SGCZ: variants seen among roughly 807,000 people sequenced by gnomAD.
The protein encoded by SGCZ is zeta-sarcoglycan.
SGCZ carries 40 observed loss-of-function variants against 41.3 expected under a neutral mutation model. That is an observed-to-expected ratio of 0.97 (90% confidence interval 0.75 to 1.26). The LOEUF is 1.26. SGCZ is among the 50% of genes most tolerant of loss of function. The probability of loss-of-function intolerance (pLI) is 0.00; values close to 1 mark genes in which losing one functional copy is unlikely to be tolerated. For missense variants in SGCZ, 552 were observed against 369.8 expected (o/e 1.49, Z -4.04); for synonymous variants, 206 against 137.5 (o/e 1.50, Z -3.49).
intron 1 of SGCZ, among the ~76,000 whole-genome samples, chr8:15,076,590 G>A (rs978730452): frequency 2.0e-5 from 3 of 151,920 alleles, no homozygotes; most frequent in Non-Finnish European, 4.4e-5. Flanking sequence ...TTACCACATC[G>A]GACTCTAGGA....
intron 1 of SGCZ, among the ~76,000 whole-genome samples, chr8:14,593,484 G>A (rs547665752): frequency 1.1e-3 from 173 of 152,178 alleles, no homozygotes; most frequent in Admixed American, 2.1e-3. Flanking sequence ...TGTTTTAGCG[G>A]CAATGGGAAA....
intron 1 of SGCZ, among the ~76,000 whole-genome samples, chr8:14,654,247 G>T (rs1674360886): frequency 6.6e-6 from 1 of 150,820 alleles, no homozygotes; most frequent in South Asian, 2.1e-4. Context: ...AAAAAAAAAA[G>T]GATATCCATT....
At chr8:14,425,459 A>T (rs764738196) in intron 2 of SGCZ, among the ~76,000 whole-genome samples, 15 of 151,960 alleles carry the variant, frequency 9.9e-5, no homozygotes, top group Non-Finnish European at 1.8e-4. Flanking sequence ...CATCTCTACT[A>T]AAAATACAAA....
intron 1 of SGCZ, among the ~76,000 whole-genome samples, chr8:15,114,546 A>C (rs1432378073): frequency 6.6e-6 from 1 of 152,196 alleles, no homozygotes; most frequent in East Asian, 1.9e-4. Flanking sequence ...ATTAACAAAA[A>C]TTGTTTTGTG....
At chr8:14,163,056 G>C (rs1804094824) in intron 5 of SGCZ, among the ~76,000 whole-genome samples, 1 of 152,012 alleles carries the variant, frequency 6.6e-6, no homozygotes, top group African/African-American at 2.4e-5. Flanking sequence ...AATTTTGGTA[G>C]ACACAAGGTC....
chr8:14,404,396 A>G (rs1799156572), intron 2 of SGCZ, among the ~76,000 whole-genome samples: 1 of 151,088 alleles, frequency 6.6e-6, no homozygotes, highest in Admixed American at 6.6e-5. Flanking sequence ...GACTGTATTC[A>G]GAGTGTTTGG....
At chr8:14,586,321 C>A (rs978658649) in intron 1 of SGCZ, among the ~76,000 whole-genome samples, 1 of 151,994 alleles carries the variant, frequency 6.6e-6, no homozygotes, top group Non-Finnish European at 1.5e-5. Context: ...TCAAGTGATT[C>A]TTGTGTCTCA....
At chr8:15,129,762 C>T (rs1488217897) in intron 1 of SGCZ, among the ~76,000 whole-genome samples, 3 of 138,862 alleles carry the variant, frequency 2.2e-5, no homozygotes, top group Non-Finnish European at 3.1e-5. Context: ...TAAAAACACA[C>T]AGATTAAATG....
intron 2 of SGCZ, among the ~76,000 whole-genome samples, chr8:14,388,844 A>T (rs1804663546): frequency 6.6e-6 from 1 of 151,960 alleles, no homozygotes; most frequent in East Asian, 1.9e-4. Flanking sequence ...AAAAAGAAAA[A>T]AAAAAAGAAA....
intron 1 of SGCZ, among the ~76,000 whole-genome samples, chr8:14,997,450 C>A (rs933365871): frequency 6.6e-5 from 10 of 152,136 alleles, no homozygotes; most frequent in Admixed American, 2.6e-4. Flanking sequence ...GTGAATTAAT[C>A]ACTAAGAAAG....
At chr8:14,485,017 C>T (rs1164080537) in intron 2 of SGCZ, among the ~76,000 whole-genome samples, 1 of 152,100 alleles carries the variant, frequency 6.6e-6, no homozygotes, top group Admixed American at 6.5e-5. Context: ...TTTTGTTTCT[C>T]TTTATGGCTT....
chr8:14,565,300 G>A (rs1804325368), intron 1 of SGCZ, among the ~76,000 whole-genome samples: 1 of 151,616 alleles, frequency 6.6e-6, no homozygotes, highest in African/African-American at 2.4e-5. Context: ...TTCATTGGAT[G>A]AAAATGCAAT....
intron 1 of SGCZ, among the ~76,000 whole-genome samples, chr8:15,151,178 T>A (rs555530116): frequency 6.6e-6 from 1 of 152,306 alleles, no homozygotes; most frequent in African/African-American, 2.4e-5. Context: ...CAACTGCCAA[T>A]CCCGTGAATG....
At chr8:14,571,086 T>C (rs1311325535) in intron 1 of SGCZ, among the ~76,000 whole-genome samples, 1 of 152,130 alleles carries the variant, frequency 6.6e-6, no homozygotes, top group East Asian at 1.9e-4. Context: ...TGACTCTCAG[T>C]TCCACATGGC....
intron 1 of SGCZ, among the ~76,000 whole-genome samples, chr8:14,698,363 T>C (rs978183290): frequency 2.7e-4 from 41 of 152,042 alleles, no homozygotes; most frequent in African/African-American, 9.6e-4. Flanking sequence ...GTTTCTAAAG[T>C]TGCTTTAGTT....
At chr8:14,895,456 A>C (rs1805162891) in intron 1 of SGCZ, among the ~76,000 whole-genome samples, 1 of 152,108 alleles carries the variant, frequency 6.6e-6, no homozygotes, top group Non-Finnish European at 1.5e-5. Flanking sequence ...TGGAAATCTT[A>C]TCAGCTGTTT....
At chr8:15,184,821 A>G (rs1563171403) in intron 1 of SGCZ, among the ~76,000 whole-genome samples, 1 of 152,096 alleles carries the variant, frequency 6.6e-6, no homozygotes, top group Non-Finnish European at 1.5e-5. Context: ...ATGGCTTCCA[A>G]CTGTTGCTAA....
Position 14,771,507 on chromosome 8 carries a change from A to G in SGCZ, c.40-216581T>C, listed in dbSNP as rs1462934390. On this transcript the variant is annotated intron_variant, in intron 1 of 7. Transcript: ENST00000382080. ...CCATATCAGTTTTTCAGTTTTCCAT[A>G]TCACATTGACTATGTCAACTTAATC... 2.6e-5 allele frequency among the ~76,000 whole-genome samples: 4 copies of G among 152,226 alleles called. No individual in the cohort carries two copies. The East Asian group carries it at 7.7e-4, about 29-fold the overall frequency.
chr8:14,166,516 C>G (rs1804215441), intron 4 of SGCZ, among the ~76,000 whole-genome samples: 1 of 152,126 alleles, frequency 6.6e-6, no homozygotes, highest in Admixed American at 6.6e-5. Flanking sequence ...TAACCCTGAA[C>G]TGCCTGAAAG....
Sources: gnomAD v4.1 joint callset for allele counts (sites outside exome capture counted in the v4.1 genomes callset) on GRCh38, gnomAD v4.1.1 for gene constraint, MANE v1.5 for transcripts, NCBI Gene and HGNC (gene_info 2026-07-23, HGNC 2026-07-21) for gene names.